The following PM20D1 variants were observed in gnomAD, a reference collection of about 807,000 sequenced individuals.
PM20D1 encodes the protein peptidase M20 domain containing 1.
A neutral mutation model predicts 53.8 loss-of-function variants in PM20D1; 53 were observed. That is an observed-to-expected ratio of 0.98 (90% CI 0.79 to 1.24). The LOEUF (loss-of-function observed/expected upper bound fraction) is 1.24. PM20D1 is among the 50% of genes most tolerant of loss of function. The pLI, the probability that PM20D1 is intolerant of heterozygous loss-of-function variation, is 0.00. For missense variants in PM20D1, 564 were observed against 616.8 expected (o/e 0.91, Z 0.91); for synonymous variants, 239 against 241.3 (o/e 0.99, Z 0.09).
chr1:205,831,619 A>C (rs1656563833), intron 11 of PM20D1, among the ~76,000 whole-genome samples: 1 of 145,294 alleles, frequency 6.9e-6, no homozygotes, highest in Non-Finnish European at 1.5e-5. Flanking sequence ...GCTGGACTGC[A>C]GTGGGGCTGT....
At chr1:205,844,312 C>G in intron 4 of PM20D1, 95 bp from the exon 5 acceptor site, 2 of 1,374,766 alleles carry the variant, frequency 1.5e-6, no homozygotes, top group Non-Finnish European at 1.9e-6. Context: ...GCTAGGGGCT[C>G]CAGAACCTTT....
rs1656822998 is a variant in PM20D1 at position 205,842,062 on chromosome 1, A to G, written c.965+92T>C. The G allele has an allele frequency of 2.1e-5, 28 of 1,332,026 alleles. No individual in the cohort carries two copies. The South Asian group carries it at 3.4e-4, about 16-fold the overall frequency. The allele number at this position is 1,332,026 out of a possible 1,614,324, so 82.5% of individuals were successfully genotyped here. On this transcript the variant is annotated intron_variant, in intron 8 of 12. Coordinates refer to ENST00000367136, the MANE Select transcript of PM20D1 (RefSeq NM_152491.5). ...TGCAGTATCTGGTGGCTGAGGGATG[A>G]TTAGTCAGGCCCAGTTAAGCCAAGG...
intron 1 of PM20D1, 49 bp from the exon 2 acceptor site, chr1:205,848,020 T>A (rs1247713637): frequency 1.9e-6 from 3 of 1,566,170 alleles, no homozygotes; most frequent in African/African-American, 2.7e-5. Context: ...TTAGTCATTG[T>A]TTTTTTCTAC....
intron 11 of PM20D1, 110 bp downstream of exon 11, chr1:205,832,488 G>T: frequency 8.1e-7 from 1 of 1,228,342 alleles, no homozygotes; most frequent in Non-Finnish European, 1.1e-6. Flanking sequence ...AGGGGAAGCA[G>T]CCAGCTGTTT....
chr1:205,848,323 C>G (rs1437876242), intron 1 of PM20D1, among the ~76,000 whole-genome samples: 1 of 152,170 alleles, frequency 6.6e-6, no homozygotes. Flanking sequence ...CCTAAGGCCT[C>G]ACTACCTCTG....
Position 205,842,886 on chromosome 1 carries a change from C to G in PM20D1, c.828-135G>C, listed in dbSNP as rs1298704025. ...GGTCTCTCATTCACCTCCCTCCCAC[C>G]TCCACCAACTCAACATTCTGAAGAT... On this transcript the variant is annotated intron_variant, in intron 6 of 12. Transcript: ENST00000367136. 4 of 687,566 alleles carry G rather than the reference C, an allele frequency of 5.8e-6. No homozygotes were observed. The Admixed American group carries it at 9.2e-5, about 16-fold the overall frequency. The allele number at this position is 687,566 out of a possible 1,614,324, so 42.6% of individuals were successfully genotyped here.
intron 10 of PM20D1, among the ~76,000 whole-genome samples, chr1:205,837,126 G>T (rs1030798164): frequency 6.6e-6 from 1 of 152,240 alleles, no homozygotes; most frequent in Non-Finnish European, 1.5e-5. Context: ...TCGCTAGAAT[G>T]TAAACACCAT....
chr1:205,844,793 A>G lies in PM20D1; in HGVS notation c.576+18T>C, dbSNP rs1047392993. The G allele has an allele frequency of 1.2e-6, 2 of 1,607,080 alleles. No individual in the cohort carries two copies. Among genetic ancestry groups the G allele is most frequent in the African/African-American group, 2.7e-5 (2 of 74,878 alleles). On this transcript the variant is annotated intron_variant, in intron 4 of 12. Transcript: ENST00000367136. ...CTCAACAGAGGACAGAGATAGGTAT[A>G]AGGTGAGGAGGCTCTACCTCCTCAT... is the stretch of plus-strand genomic sequence containing the variant.
intron 6 of PM20D1, 46 bp from the exon 7 acceptor site, chr1:205,842,797 A>T: frequency 6.4e-7 from 1 of 1,568,848 alleles, no homozygotes; most frequent in Non-Finnish European, 8.8e-7. Context: ...CCCCAGCCAA[A>T]GATCAGTGGC....
chr1:205,834,226 G>A (rs547231604), intron 10 of PM20D1, among the ~76,000 whole-genome samples: 1 of 150,006 alleles, frequency 6.7e-6, no homozygotes, highest in African/African-American at 2.5e-5. Flanking sequence ...CACCATCTCG[G>A]CTCACTGCGA....
chr1:205,838,251 C>CT (rs5780306), intron 10 of PM20D1, among the ~76,000 whole-genome samples: 18,405 of 152,010 alleles, frequency 0.12, 1,440 homozygotes, highest in East Asian at 0.3. Context: ...CTTTTTGGAT[C>CT]TTTTTTTTGT....
intron 10 of PM20D1, among the ~76,000 whole-genome samples, chr1:205,834,452 C>T (rs1558090808): frequency 2.0e-5 from 3 of 152,272 alleles, no homozygotes; most frequent in East Asian, 1.9e-4. Flanking sequence ...CCACCGTGCC[C>T]GGCCCCAAGA....
chr1:205,839,449 C>T (rs1366917576), intron 10 of PM20D1, among the ~76,000 whole-genome samples: 1 of 152,118 alleles, frequency 6.6e-6, no homozygotes, highest in East Asian at 1.9e-4. Flanking sequence ...CTTGGGTATG[C>T]TGTTTGATTG....
Position 205,849,888 on chromosome 1 carries a change from G to A in PM20D1, c.169+16C>T. On this transcript the variant is annotated intron_variant, in intron 1 of 12. Transcript: ENST00000367136. ...CCACATATGAGCATAGGTGGGTGAAGGGGACCCGGGTTCACCTTTCAGCGC... is the reference window on the plus strand; with the variant it reads ...CCACATATGAGCATAGGTGGGTGAAAGGGACCCGGGTTCACCTTTCAGCGC... 1 of 1,604,084 alleles carries A rather than the reference G, an allele frequency of 6.2e-7. No individual in the cohort carries two copies. The highest frequency in any genetic ancestry group is 1.3e-5 in the African/African-American group (1 of 74,902).
Position 205,828,509 on chromosome 1 carries a change from G to A in PM20D1, c.*111C>T. The A allele has an allele frequency of 7.0e-7, 1 of 1,430,924 alleles. No individual in the cohort carries two copies. Among genetic ancestry groups the A allele is most frequent in the East Asian group, 2.4e-5 (1 of 42,162 alleles). 88.6% of individuals were successfully genotyped at this position (1,430,924 alleles called of 1,614,324 possible). A position where few individuals can be genotyped will look rare whatever the true frequency, so the allele number is the denominator to read the frequency against. ...GTTTAAGAGTGAGCAAGACAGATGG[G>A]CAATGTTTTACAATGTGGTTTTGAT... is the stretch of plus-strand genomic sequence containing the variant. On this transcript the variant is annotated 3_prime_UTR_variant, in exon 13 of 13. Coordinates refer to ENST00000367136, the MANE Select transcript of PM20D1 (RefSeq NM_152491.5).
intron 2 of PM20D1, among the ~76,000 whole-genome samples, 181 bp from the exon 3 acceptor site, chr1:205,845,738 G>A (rs1656941662): frequency 1.3e-5 from 2 of 152,068 alleles, no homozygotes; most frequent in African/African-American, 2.4e-5. Context: ...TTTGAAATTC[G>A]TCTTCCCCAT....
chr1:205,829,220 A>C (rs895044273), intron 12 of PM20D1, among the ~76,000 whole-genome samples: 1 of 151,910 alleles, frequency 6.6e-6, no homozygotes, highest in South Asian at 2.1e-4. Context: ...GAAGAGATGG[A>C]GTCTCATTAT....
At chr1:205,848,975 C>T (rs1341932788) in intron 1 of PM20D1, among the ~76,000 whole-genome samples, 1 of 152,198 alleles carries the variant, frequency 6.6e-6, no homozygotes, top group Non-Finnish European at 1.5e-5. Flanking sequence ...CTCTTCTGTG[C>T]AGACTGTGAG....
chr1:205,842,642 G>C (rs1656838769), intron 7 of PM20D1, 34 bp downstream of exon 7: 2 of 1,599,660 alleles, frequency 1.3e-6, no homozygotes, highest in Non-Finnish European at 1.7e-6. Flanking sequence ...TTTGTTCCTA[G>C]CTGATTAGGA....
Sources: allele counts gnomAD v4.1 joint callset (sites outside exome capture counted in the v4.1 genomes callset), GRCh38; gene constraint gnomAD v4.1.1; transcripts MANE v1.5; gene names NCBI Gene and HGNC (gene_info 2026-07-23, HGNC 2026-07-21).